The following DRD2 variants were observed in gnomAD, a reference collection of about 807,000 sequenced individuals.
DRD2 encodes the protein D(2) dopamine receptor.
In DRD2, 8 loss-of-function variants were observed where a neutral mutation model predicts 38.0. The ratio of observed to expected loss-of-function variants is 0.21; its 90% CI spans 0.12 to 0.38. The LOEUF (loss-of-function observed/expected upper bound fraction) is 0.38, where lower values mean the gene tolerates loss of function less well. DRD2 is among the 10% of genes least tolerant of loss of function. DRD2 has a pLI of 1.00. For synonymous variants in DRD2, 230 were observed against 238.6 expected (o/e 0.96, Z 0.33); for missense variants, 403 against 607.7 (o/e 0.66, Z 3.54).
intron 1 of DRD2, among the ~76,000 whole-genome samples, chr11:113,458,340 T>G (rs932720907): frequency 6.6e-6 from 1 of 152,166 alleles, no homozygotes; most frequent in African/African-American, 2.4e-5. Flanking sequence ...ATATGTAATC[T>G]CTGACCCACA....
At chr11:113,417,145 CT>C (rs1565661310) in intron 3 of DRD2, 146 bp from the exon 4 acceptor site, 1 of 1,226,058 alleles carries the variant, frequency 8.2e-7, no homozygotes. Flanking sequence ...TAACTCAACC[CT>C]CCCTCCTGTC....
At chr11:113,422,850 C>T (rs924984472) in intron 2 of DRD2, among the ~76,000 whole-genome samples, 7 of 152,186 alleles carry the variant, frequency 4.6e-5, no homozygotes, top group Non-Finnish European at 1.5e-5. Flanking sequence ...AGATTTCTCC[C>T]CTGTTTAAAC....
Position 113,416,899 on chromosome 11 carries a change from T to C in DRD2, c.496A>G (p.Ile166Val). 2 of 1,614,124 alleles carry C rather than the reference T, an allele frequency of 1.2e-6. No individual in the cohort carries two copies. Among genetic ancestry groups the C allele is most frequent in the Non-Finnish European group, 1.7e-6 (2 of 1,180,018 alleles). ...ISIVWVLSFTISCPLLFGLNN... is the reference protein window; with the variant it reads ...ISIVWVLSFTVSCPLLFGLNN... ...AGTCCGAAGAGGAGTGGGCAGGAGA[T>C]GGTGAAGGACAGGACCCAGACGATG... Residue 166 changes from isoleucine (I) to valine (V), a missense_variant, in exon 4 of 8, where the codon ATC becomes GTC. Physicochemically the swap from Ile to Val is conservative, Grantham distance 29. Around this residue, in one of 4 missense-constraint regions of DRD2, gnomAD observed 162 missense variants for 254.5 expected, o/e 0.64. Transcript: ENST00000362072.
chr11:113,424,297 C>G, intron 2 of DRD2, 70 bp downstream of exon 2: 1 of 1,527,944 alleles, frequency 6.5e-7, no homozygotes, highest in Non-Finnish European at 9.0e-7. Context: ...CAGTGGGGAG[C>G]TAGAGTCCCC....
intron 1 of DRD2, among the ~76,000 whole-genome samples, chr11:113,444,076 C>T (rs905382569): frequency 2.0e-5 from 3 of 152,180 alleles, no homozygotes; most frequent in African/African-American, 4.8e-5. Flanking sequence ...CACTCTGTGG[C>T]CCAGGCTGGA....
chr11:113,467,427 T>C (rs1025980357), intron 1 of DRD2, among the ~76,000 whole-genome samples: 6 of 152,160 alleles, frequency 3.9e-5, no homozygotes, highest in African/African-American at 1.4e-4. Context: ...GGCAGGACCA[T>C]ACTTCACCTA....
intron 1 of DRD2, among the ~76,000 whole-genome samples, chr11:113,469,888 T>C (rs1461901090): frequency 1.3e-5 from 2 of 152,054 alleles, no homozygotes; most frequent in Non-Finnish European, 2.9e-5. Flanking sequence ...AAACAAAAAA[T>C]GTAAAAACAA....
At chr11:113,435,328 T>C (rs1591287278) in intron 1 of DRD2, among the ~76,000 whole-genome samples, 1 of 12,158 alleles carries the variant, frequency 8.2e-5, no homozygotes, top group African/African-American at 1.8e-4. Flanking sequence ...AGTGACTCAG[T>C]GTGGGGGGGG....
intron 1 of DRD2, among the ~76,000 whole-genome samples, chr11:113,452,898 C>G (rs556970805): frequency 6.6e-6 from 1 of 151,912 alleles, no homozygotes. Flanking sequence ...GTGATCTACC[C>G]GCCTCGGCCT....
chr11:113,418,326 C>G (rs1238689281), intron 2 of DRD2, among the ~76,000 whole-genome samples, 190 bp from the exon 3 acceptor site: 1 of 152,124 alleles, frequency 6.6e-6, no homozygotes, highest in East Asian at 1.9e-4. Flanking sequence ...CTTATCTTCT[C>G]CCAGATACAT....
At chr11:113,441,876 C>T (rs192970617) in intron 1 of DRD2, among the ~76,000 whole-genome samples, 39 of 149,194 alleles carry the variant, frequency 2.6e-4, no homozygotes, top group African/African-American at 7.2e-4. Flanking sequence ...TGAACCAGGG[C>T]GGTGGAGGTT....
At chr11:113,474,033 C>A (rs1951452611) in intron 1 of DRD2, among the ~76,000 whole-genome samples, 1 of 152,146 alleles carries the variant, frequency 6.6e-6, no homozygotes, top group Admixed American at 6.5e-5. Flanking sequence ...AAGTGCCTTG[C>A]ACCTCACTCC....
At chr11:113,452,458 G>GTA (rs1951220453) in intron 1 of DRD2, among the ~76,000 whole-genome samples, 2 of 100,564 alleles carry the variant, frequency 2.0e-5, no homozygotes, top group African/African-American at 3.1e-5. Context: ...GTGTGTGTGT[G>GTA]TGTGTGTGTG....
intron 1 of DRD2, among the ~76,000 whole-genome samples, chr11:113,447,341 G>A (rs1327260628): frequency 1.3e-5 from 2 of 152,128 alleles, no homozygotes; most frequent in South Asian, 2.1e-4. Context: ...GAGCTCTCTC[G>A]GGCTTTTAAT....
intron 2 of DRD2, 53 bp downstream of exon 2, chr11:113,424,314 C>T (rs1270808996): frequency 6.3e-7 from 1 of 1,587,806 alleles, no homozygotes; most frequent in Non-Finnish European, 8.6e-7. Context: ...CCCCAGTGTC[C>T]AGTGCAGGGC....
chr11:113,451,370 G>T (rs1235629729), intron 1 of DRD2, among the ~76,000 whole-genome samples: 1 of 152,064 alleles, frequency 6.6e-6, no homozygotes, highest in Non-Finnish European at 1.5e-5. Context: ...ATTGTCCAAA[G>T]CCTTATGATT....
intron 1 of DRD2, among the ~76,000 whole-genome samples, chr11:113,457,957 C>T (rs1245754009): frequency 6.6e-6 from 1 of 152,268 alleles, no homozygotes; most frequent in Non-Finnish European, 1.5e-5. Flanking sequence ...ACACAGCAGG[C>T]CAGCAGCAGC....
At chr11:113,411,095 T>G (rs540356084) in intron 7 of DRD2, among the ~76,000 whole-genome samples, 175 bp from the exon 8 acceptor site, 75 of 152,256 alleles carry the variant, frequency 4.9e-4, no homozygotes, top group African/African-American at 1.8e-3. Context: ...CCATTTGCAG[T>G]GAAGTATCCC....
intron 1 of DRD2, among the ~76,000 whole-genome samples, chr11:113,468,879 G>A (rs903284211): frequency 2.0e-5 from 3 of 152,178 alleles, no homozygotes; most frequent in Non-Finnish European, 4.4e-5. Context: ...CAGCTCTCAT[G>A]AGTCACTCCT....
Sources: gnomAD v4.1 joint callset for allele counts (sites outside exome capture counted in the v4.1 genomes callset) on GRCh38, gnomAD v4.1.1 for gene constraint, gnomAD v4.1.1 regional missense constraint, MANE v1.5 for transcripts, NCBI Gene and HGNC (gene_info 2026-07-23, HGNC 2026-07-21) for gene names.